The following TTL variants were observed in gnomAD, a reference collection of about 807,000 sequenced individuals.
The protein encoded by TTL is tubulin--tyrosine ligase.
Under a neutral mutation model 41.1 loss-of-function variants are expected in TTL, and 10 were observed. The observed-to-expected ratio is 0.24, with a 90% CI of 0.15 to 0.41. The LOEUF (loss-of-function observed/expected upper bound fraction) is 0.41, where lower values mean the gene tolerates loss of function less well. Among genes scored for constraint, TTL ranks in the 10% least tolerant of loss-of-function variants. The pLI, the probability that TTL is intolerant of heterozygous loss-of-function variation, is 1.00. For synonymous variants in TTL, 175 were observed against 175.5 expected (o/e 1.00, Z 0.02); for missense variants, 367 against 460.4 (o/e 0.80, Z 1.86).
chr2:112,524,903 C>T (rs1317317152), intron 6 of TTL, among the ~76,000 whole-genome samples: 2 of 152,120 alleles, frequency 1.3e-5, no homozygotes, highest in African/African-American at 4.8e-5. Flanking sequence ...AGGTTTTCTT[C>T]TAGGGTTTTT....
chr2:112,494,047 C>A, intron 2 of TTL, 96 bp from the exon 3 acceptor site: 1 of 884,658 alleles, frequency 1.1e-6, no homozygotes, highest in Non-Finnish European at 1.8e-6. Context: ...CATGCTTTGC[C>A]TCCCGGAAAG....
At chr2:112,528,561 A>T (rs1246779270) in intron 6 of TTL, 120 bp from the exon 7 acceptor site, 3 of 756,102 alleles carry the variant, frequency 4.0e-6, no homozygotes, top group Admixed American at 4.4e-5. Context: ...CCATGATCGC[A>T]CCACTGCATG....
chr2:112,520,102 C>T (rs373452485), intron 5 of TTL, among the ~76,000 whole-genome samples, 180 bp from the exon 6 acceptor site: 3 of 147,096 alleles, frequency 2.0e-5, no homozygotes, highest in African/African-American at 7.6e-5. Context: ...TGCACTCCAG[C>T]CTGGGCAACA....
At chr2:112,498,788 G>A (rs187673887) in intron 3 of TTL, among the ~76,000 whole-genome samples, 3 of 151,552 alleles carry the variant, frequency 2.0e-5, no homozygotes, top group African/African-American at 4.8e-5. Flanking sequence ...GCCTGTAATC[G>A]CAGGTATTTA....
chr2:112,497,817 A>G (rs1681576947), intron 3 of TTL, among the ~76,000 whole-genome samples: 1 of 152,230 alleles, frequency 6.6e-6, no homozygotes, highest in South Asian at 2.1e-4. Context: ...GGTAGAAATC[A>G]GCTATAAATC....
Position 112,512,514 on chromosome 2 carries a change from G to A in TTL, c.876-7768G>A, listed in dbSNP as rs182692370. On this transcript the variant is annotated intron_variant, in intron 5 of 6. Coordinates refer to ENST00000233336, the MANE Select transcript of TTL (RefSeq NM_153712.5). ...CCTGACCTCGTGATCCGTCCACCTC[G>A]GCCTCCCAAAGTGCTGGGATTTCGG... 2.9e-4 allele frequency among the ~76,000 whole-genome samples: 44 copies of A among 151,944 alleles called. No homozygotes were observed. The East Asian group carries it at 7.2e-3, about 25-fold the overall frequency.
intron 6 of TTL, among the ~76,000 whole-genome samples, chr2:112,526,414 T>C (rs1240170145): frequency 1.3e-5 from 2 of 152,220 alleles, no homozygotes; most frequent in Non-Finnish European, 2.9e-5. Flanking sequence ...ATCCATCTGG[T>C]CCTGGACTTT....
intron 4 of TTL, 112 bp from the exon 5 acceptor site, chr2:112,502,800 C>T: frequency 8.5e-7 from 1 of 1,172,562 alleles, no homozygotes; most frequent in South Asian, 1.9e-5. Context: ...TCCCTAGTTG[C>T]CTCCCACTCC....
At chr2:112,525,366 A>G (rs1054925024) in intron 6 of TTL, among the ~76,000 whole-genome samples, 1 of 152,082 alleles carries the variant, frequency 6.6e-6, no homozygotes, top group South Asian at 2.1e-4. Context: ...CATTGAATCT[A>G]TAAATTACCT....
At chr2:112,494,407 C>G in intron 3 of TTL, 32 bp downstream of exon 3, 1 of 1,537,040 alleles carries the variant, frequency 6.5e-7, no homozygotes, top group Non-Finnish European at 8.9e-7. Flanking sequence ...CTTCTCTATT[C>G]CTGGTAAGTT....
intron 2 of TTL, 87 bp from the exon 3 acceptor site, chr2:112,494,056 A>G: frequency 1.0e-6 from 1 of 985,626 alleles, no homozygotes; most frequent in Non-Finnish European, 1.5e-6. Context: ...CCTCCCGGAA[A>G]GTCTCTGGGG....
At chr2:112,484,988 C>T (rs527731949) in intron 1 of TTL, among the ~76,000 whole-genome samples, 5 of 152,246 alleles carry the variant, frequency 3.3e-5, no homozygotes, top group South Asian at 2.1e-4. Context: ...CTTGCTCTGT[C>T]GCCCAGGCTG....
At chr2:112,501,097 A>C in intron 3 of TTL, 109 bp from the exon 4 acceptor site, 2 of 1,063,422 alleles carry the variant, frequency 1.9e-6, no homozygotes, top group Non-Finnish European at 2.7e-6. Flanking sequence ...GGTGAGCGGG[A>C]CATTGAAAGC....
At position 112,530,946 on chromosome 2, in the gene TTL, ATTTAAATAAAT is replaced by A. The variant is rs549713714; in HGVS notation, c.*2173_*2183del. The A allele has an allele frequency of 9.3e-4, 165 of 176,958 alleles. 1 individual carries two copies. Among genetic ancestry groups the A allele is most frequent in the African/African-American group, 2.6e-3 (108 of 42,344 alleles). 11.0% of individuals were successfully genotyped at this position (176,958 alleles called of 1,614,324 possible). On this transcript the variant is annotated 3_prime_UTR_variant, in exon 7 of 7. Coordinates refer to ENST00000233336, the MANE Select transcript of TTL (RefSeq NM_153712.5). ...AAATTTGATTTTAAATTTCAAATAAATTTAAATAAATTTTAAATAAATTTTAAATAAAATTT... is the reference window on the plus strand; with the variant it reads ...AAATTTGATTTTAAATTTCAAATAAATTTAAATAAATTTTAAATAAAATTT...
In TTL at chr2:112,501,320, G is replaced by C. The variant is rs751543163; in HGVS notation, c.584G>C (p.Gly195Ala). 2.9e-5 allele frequency: 47 copies of C among 1,606,568 alleles called. No homozygotes were observed. The highest frequency in any genetic ancestry group is 3.5e-5 in the Non-Finnish European group (41 of 1,175,746). The change falls in exon 4 of 7, where the codon GGT becomes GCT. Residue 195 changes from glycine to alanine, a missense_variant. Coordinates refer to ENST00000233336, the MANE Select transcript of TTL (RefSeq NM_153712.5). ...GAGCACCCTCTGCTGCTTGAGCCAG[G>C]TCATCGCAAGTTTGACATCCGGTAA... ...YLEHPLLLEPGHRKFDIRSWV... is the reference protein window; with the variant it reads ...YLEHPLLLEPAHRKFDIRSWV...
intron 5 of TTL, among the ~76,000 whole-genome samples, chr2:112,514,440 T>C (rs978686169): frequency 3.9e-5 from 6 of 152,218 alleles, no homozygotes; most frequent in African/African-American, 1.4e-4. Context: ...GATAAATTAG[T>C]TATTATTTGT....
At chr2:112,527,620 G>C (rs545510820) in intron 6 of TTL, among the ~76,000 whole-genome samples, 1 of 152,276 alleles carries the variant, frequency 6.6e-6, no homozygotes, top group East Asian at 1.9e-4. Context: ...TTTTATCAGA[G>C]ACTAGGATTG....
intron 5 of TTL, among the ~76,000 whole-genome samples, chr2:112,513,091 C>T (rs1247227070): frequency 6.6e-6 from 1 of 151,872 alleles, no homozygotes; most frequent in Non-Finnish European, 1.5e-5. Context: ...TTCACTAACT[C>T]TTGCCCTCTG....
intron 5 of TTL, among the ~76,000 whole-genome samples, chr2:112,504,078 C>G (rs1168228605): frequency 2.2e-5 from 1 of 45,888 alleles, no homozygotes; most frequent in East Asian, 5.7e-4. Flanking sequence ...GTTTTTTGTT[C>G]TTGCGATAGT....
Sources: allele counts gnomAD v4.1 joint callset (sites outside exome capture counted in the v4.1 genomes callset), GRCh38; gene constraint gnomAD v4.1.1; transcripts MANE v1.5; gene names NCBI Gene and HGNC (gene_info 2026-07-23, HGNC 2026-07-21).